The following RNF17 variants were observed in gnomAD, a reference collection of about 807,000 sequenced individuals.
RNF17 encodes ring finger protein 17, also known as spermatogenesis associated 23.
Under a neutral mutation model 200.5 loss-of-function variants are expected in RNF17, and 31 were observed. The ratio of observed to expected loss-of-function variants is 0.15; its 90% confidence interval spans 0.12 to 0.21. RNF17 has a LOEUF of 0.21. Ranked by LOEUF, RNF17 falls within the 10% of genes least tolerant of loss-of-function variation. The probability of loss-of-function intolerance (pLI) is 1.00; values close to 1 mark genes in which losing one functional copy is unlikely to be tolerated. For synonymous variants in RNF17, 606 were observed against 637.8 expected, an observed-to-expected ratio of 0.95 and a Z score of 0.75; for missense variants, 1,628 against 1,905.1, an observed-to-expected ratio of 0.85 and a Z score of 2.71.
chr13:24,879,985 T>G (rs2138506074), downstream of RNF17: 1 of 152,308 alleles, frequency 6.6e-6, no homozygotes, highest in South Asian at 2.1e-4. Context: ...GAAAAAAAAT[T>G]TAGTTCATTT....
At chr13:24,886,432 T>C in the RNF17 span, 1 of 1,142,486 alleles carries the variant, frequency 8.8e-7, no homozygotes, top group African/African-American at 1.6e-5. Flanking sequence ...ATCACTGATT[T>C]ATAGGTCCCA....
chr13:24,882,905 A>C, downstream of RNF17: 1 of 441,372 alleles, frequency 2.3e-6, no homozygotes, highest in Non-Finnish European at 4.2e-6. Flanking sequence ...TAACCAATAA[A>C]CACACCCACT....
At chr13:24,860,694 G>A (rs1892999262) in intron 26 of RNF17, among the ~76,000 whole-genome samples, 1 of 151,856 alleles carries the variant, frequency 6.6e-6, no homozygotes, top group Admixed American at 6.6e-5. Flanking sequence ...TTTCAAAAAG[G>A]GATTGCTCTT....
chr13:24,763,225 C>T (rs924333948), upstream of RNF17, among the ~76,000 whole-genome samples: 1 of 145,520 alleles, frequency 6.9e-6, no homozygotes, highest in Admixed American at 6.9e-5. Flanking sequence ...TTTTTTGAGA[C>T]GCAGTCTCGC....
chr13:24,768,185 T>C (rs899416140), intron 2 of RNF17, among the ~76,000 whole-genome samples: 1 of 152,092 alleles, frequency 6.6e-6, no homozygotes, highest in African/African-American at 2.4e-5. Flanking sequence ...ATTAAGGATG[T>C]AAAATAAAAT....
At chr13:24,748,639 A>T in the RNF17 span, among the ~76,000 whole-genome samples, 5 of 152,372 alleles carry the variant, frequency 3.3e-5, no homozygotes, top group East Asian at 9.6e-4. Context: ...GATACAGGAT[A>T]AAACATATCC....
At chr13:24,870,871 TA>T (rs779503513) in intron 32 of RNF17, 132 bp downstream of exon 32, 66 of 616,370 alleles carry the variant, frequency 1.1e-4, no homozygotes, top group Non-Finnish European at 1.7e-4. Context: ...TGATTTCCTG[TA>T]ATCCTCAAGA....
intron 6 of RNF17, among the ~76,000 whole-genome samples, chr13:24,783,468 C>T (rs1361096136): frequency 1.3e-5 from 2 of 152,140 alleles, no homozygotes; most frequent in African/African-American, 2.4e-5. Context: ...TTGTAGATCA[C>T]TTTGTGCAGT....
At chr13:24,748,250 C>CCT in the RNF17 span, among the ~76,000 whole-genome samples, 18 of 152,292 alleles carry the variant, frequency 1.2e-4, no homozygotes, top group Admixed American at 2.0e-4. Context: ...GAGCCACAGC[C>CCT]CTCTGCTAAT....
chr13:24,827,267 G>GT (rs1363774204), intron 16 of RNF17, among the ~76,000 whole-genome samples: 2 of 151,786 alleles, frequency 1.3e-5, no homozygotes, highest in Non-Finnish European at 2.9e-5. Flanking sequence ...TGTTTAAAAT[G>GT]TTTTTTCCAT....
At chr13:24,886,189 G>A in the RNF17 span, 4 of 623,638 alleles carry the variant, frequency 6.4e-6, no homozygotes, top group Non-Finnish European at 1.0e-5. Context: ...TGAAGTGCCA[G>A]TATTTTCATC....
the RNF17 span, among the ~76,000 whole-genome samples, chr13:24,758,845 G>A: frequency 3.3e-5 from 5 of 152,150 alleles, no homozygotes; most frequent in South Asian, 1.0e-3. Context: ...GGGAGGCCAA[G>A]GTGGGCGGAT....
chr13:24,754,176 A>AT, the RNF17 span, among the ~76,000 whole-genome samples: 2 of 151,564 alleles, frequency 1.3e-5, no homozygotes, highest in Admixed American at 1.3e-4. Context: ...TTAAAAAAAA[A>AT]ATAAAATAAA....
At chr13:24,792,404 G>A (rs1351924006) in intron 9 of RNF17, among the ~76,000 whole-genome samples, 1 of 151,840 alleles carries the variant, frequency 6.6e-6, no homozygotes, top group African/African-American at 2.4e-5. Context: ...AGCAGAGAAA[G>A]GGTAATCTGT....
intron 1 of RNF17, among the ~76,000 whole-genome samples, chr13:24,766,014 G>C (rs539803058): frequency 6.6e-6 from 1 of 152,330 alleles, no homozygotes; most frequent in East Asian, 1.9e-4. Context: ...GATCACTTGA[G>C]GTCGGGAGAT....
intron 16 of RNF17, among the ~76,000 whole-genome samples, chr13:24,828,774 T>C (rs962027400): frequency 6.6e-6 from 1 of 152,062 alleles, no homozygotes; most frequent in African/African-American, 2.4e-5. Context: ...ATTTTCCATA[T>C]GATAAATGTT....
In RNF17 at chr13:24,778,361, A is replaced by T. The variant is rs751837529; in HGVS notation, c.384A>T (p.Ser128=). Residue 128 remains serine (S), a synonymous_variant, in exon 4 of 36, where the codon TCA becomes TCT. Transcript: ENST00000255324. ...ADQLTTGLER[S]ASTDKTLLNS... ...AGCTAACTACTGGTTTAGAACGTTC[A>T]GCCTCCACAGACAAGACTCTTTTGA... The T allele has an allele frequency of 4.3e-6, 7 of 1,613,876 alleles. No homozygotes were observed. The highest frequency in any genetic ancestry group is 1.7e-5 in the Admixed American group (1 of 60,026).
intron 9 of RNF17, among the ~76,000 whole-genome samples, chr13:24,792,344 G>A (rs2137648805): frequency 6.6e-6 from 1 of 152,078 alleles, no homozygotes; most frequent in Admixed American, 6.6e-5. Context: ...AGTAAGAGCA[G>A]GTATTCAAAC....
intron 15 of RNF17, among the ~76,000 whole-genome samples, chr13:24,805,776 C>T (rs116804076): frequency 0.026 from 4,013 of 152,136 alleles, 194 homozygotes; most frequent in African/African-American, 0.091. Context: ...GGGGAACTGC[C>T]GAACTGTTTT....
Sources: gnomAD v4.1 joint callset for allele counts (sites outside exome capture counted in the v4.1 genomes callset) on GRCh38, gnomAD v4.1.1 for gene constraint, MANE v1.5 for transcripts, NCBI Gene and HGNC (gene_info 2026-07-23, HGNC 2026-07-21) for gene names.